Variants in RPGR observed in about 807,000 individuals in gnomAD.
The protein encoded by RPGR is X-linked retinitis pigmentosa GTPase regulator.
In RPGR, 10 loss-of-function variants were observed where a neutral mutation model predicts 56.3. The observed-to-expected ratio is 0.18, with a 90% CI of 0.11 to 0.30. RPGR has a LOEUF of 0.30. Among genes scored for constraint, RPGR ranks in the 10% least tolerant of loss-of-function variants. The pLI is 1.00. For synonymous variants in RPGR, 197 were observed against 212.9 expected (o/e 0.93, Z 0.65); for missense variants, 538 against 590.9 (o/e 0.91, Z 0.93).
In RPGR at chrX:38,317,469, T is replaced by C. The variant is rs1384239708; in HGVS notation, c.470-4A>G. The C allele has an allele frequency of 2.5e-6, 3 of 1,202,933 alleles. No homozygotes were observed. The highest frequency in any genetic ancestry group is 1.8e-5 in the South Asian group (1 of 56,242). On this transcript the variant is annotated splice_polypyrimidine_tract_variant and splice_region_variant and intron_variant, in intron 5 of 18. Coordinates refer to ENST00000642395, the MANE Select transcript of RPGR (RefSeq NM_000328.3). ...CACATAAAAAGTCTTCCATCCTCTATAAAGAAAAATAAAAGGGGGAGAAAA... is the reference window on the plus strand; with the variant it reads ...CACATAAAAAGTCTTCCATCCTCTACAAAGAAAAATAAAAGGGGGAGAAAA...
At chrX:38,282,898 A>T (rs891589142) in intron 15 of RPGR, among the ~76,000 whole-genome samples, 3 of 111,054 alleles carry the variant, frequency 2.7e-5, no homozygotes, top group African/African-American at 9.8e-5. Flanking sequence ...GATTCTATAT[A>T]TACTACTCAC....
chrX:38,308,397 G>A (rs902080734), intron 7 of RPGR, among the ~76,000 whole-genome samples: 28 of 111,853 alleles, frequency 2.5e-4, no homozygotes, highest in Non-Finnish European at 3.8e-4. Flanking sequence ...TCATCCTTAA[G>A]TGCATTTATT....
chrX:38,295,750 C>A (rs184348140), intron 11 of RPGR, among the ~76,000 whole-genome samples: 4 of 111,478 alleles, frequency 3.6e-5, no homozygotes, highest in South Asian at 7.5e-4. Flanking sequence ...TCCTTTATTA[C>A]CTCAACCCTT....
At chrX:38,278,428 A>T (rs146991910) in intron 15 of RPGR, among the ~76,000 whole-genome samples, 2,212 of 111,762 alleles carry the variant, frequency 0.02, 38 homozygotes, top group Middle Eastern at 0.037. Flanking sequence ...TTTAGTAAAG[A>T]CGGGGTTTCG....
At chrX:38,298,286 C>CATAT in intron 10 of RPGR, 2 of 250,462 alleles carry the variant, frequency 8.0e-6, no homozygotes, top group Non-Finnish European at 1.5e-5. Context: ...AAAAAAAACA[C>CATAT]ATATATATAT....
At chrX:38,275,522 AC>A (rs2066918462) in intron 16 of RPGR, among the ~76,000 whole-genome samples, 1 of 112,102 alleles carries the variant, frequency 8.9e-6, no homozygotes, top group Non-Finnish European at 1.9e-5. Context: ...TTCCCTATAA[AC>A]AGAATCATTT....
chrX:38,285,439 A>G, intron 15 of RPGR: 1 of 1,168,378 alleles, frequency 8.6e-7, no homozygotes, highest in Non-Finnish European at 1.1e-6. Context: ...CACATAAAAT[A>G]ATTGACATAA....
chrX:38,293,546 A>G (rs1022943949), intron 11 of RPGR, among the ~76,000 whole-genome samples: 1 of 112,243 alleles, frequency 8.9e-6, no homozygotes, highest in African/African-American at 3.2e-5. Flanking sequence ...ATGGAAACTG[A>G]ATTGCACCTG....
intron 13 of RPGR, among the ~76,000 whole-genome samples, chrX:38,288,896 C>T (rs1443710034): frequency 6.4e-5 from 7 of 110,100 alleles, no homozygotes; most frequent in Non-Finnish European, 1.3e-4. Flanking sequence ...ATTCTCCCAC[C>T]TCAGCTTCCT....
At chrX:38,271,047 T>C (rs1027651470) in intron 18 of RPGR, among the ~76,000 whole-genome samples, 1 of 111,551 alleles carries the variant, frequency 9.0e-6, no homozygotes, top group African/African-American at 3.3e-5. Flanking sequence ...AGGAAGAAAA[T>C]AGGATTATTG....
At chrX:38,284,681 C>T in intron 15 of RPGR, 2 of 719,270 alleles carry the variant, frequency 2.8e-6, no homozygotes, top group East Asian at 1.5e-4. Context: ...CTCCCTAAAA[C>T]GTTTCTTACA....
chrX:38,290,415 C>T (rs927561506), intron 13 of RPGR, among the ~76,000 whole-genome samples: 1 of 111,834 alleles, frequency 8.9e-6, no homozygotes, highest in Non-Finnish European at 1.9e-5. Context: ...CTCTTTCCTA[C>T]CCATGAACAG....
At chrX:38,279,181 C>T (rs1033144406) in intron 15 of RPGR, 4 of 329,502 alleles carry the variant, frequency 1.2e-5, no homozygotes, top group Non-Finnish European at 2.4e-5. Context: ...TAAACTGAAA[C>T]AATTTGGGAG....
At chrX:38,304,037 T>C (rs1454315649) in intron 8 of RPGR, among the ~76,000 whole-genome samples, 2 of 111,999 alleles carry the variant, frequency 1.8e-5, no homozygotes, top group African/African-American at 3.2e-5. Context: ...TCCTATATTA[T>C]TAGCAGCACA....
intron 1 of RPGR, 88 bp downstream of exon 1, chrX:38,327,252 C>A (rs183560823): frequency 4.2e-6 from 4 of 962,084 alleles, no homozygotes; most frequent in African/African-American, 3.9e-5. Context: ...TGGGGCCTGT[C>A]CCCCTACAGG....
intron 6 of RPGR, among the ~76,000 whole-genome samples, chrX:38,312,057 G>GA (rs1393031407): frequency 8.9e-6 from 1 of 112,129 alleles, no homozygotes; most frequent in Non-Finnish European, 1.9e-5. Context: ...AGTCCTTCTA[G>GA]AAAATCACAG....
chrX:38,274,566 G>A (rs1418236734), intron 17 of RPGR, among the ~76,000 whole-genome samples: 3 of 112,601 alleles, frequency 2.7e-5, no homozygotes, highest in African/African-American at 9.7e-5. Context: ...TGTAATCCCA[G>A]CACTTTGGGA....
rs1186905587 is a variant in RPGR at position 38,310,538 on chromosome X, T to G, written c.778+77A>C. The stretch of plus-strand genomic sequence containing the variant: ...TCTTACCACAATAAAAAAATGAACA[T>G]AAAAAAAATGAACATTAAAAAAATT... On this transcript the variant is annotated intron_variant, in intron 7 of 18. Transcript: ENST00000642395. 4 of 1,002,180 alleles carry G rather than the reference T, an allele frequency of 4.0e-6. No homozygotes were observed. The African/African-American group carries it at 7.8e-5, about 19-fold the overall frequency. The allele number at this position is 1,002,180 out of a possible 1,213,427, so 82.6% of individuals were successfully genotyped here. A position where few individuals can be genotyped will look rare whatever the true frequency, so the allele number is the denominator to read the frequency against.
chrX:38,298,215 A>G, intron 10 of RPGR: 1 of 220,600 alleles, frequency 4.5e-6, no homozygotes, highest in South Asian at 5.1e-5. Flanking sequence ...GGTTGCAGTG[A>G]GCCAAGATTG....
Sources: gnomAD v4.1 joint callset for allele counts (sites outside exome capture counted in the v4.1 genomes callset) on GRCh38, gnomAD v4.1.1 for gene constraint, MANE v1.5 for transcripts, NCBI Gene and HGNC (gene_info 2026-07-23, HGNC 2026-07-21) for gene names.